Variants in FLNC observed in about 807,000 individuals in gnomAD.
FLNC encodes filamin C, also known as filamin-C.
Under a neutral mutation model 254.3 loss-of-function variants are expected in FLNC, and 91 were observed. The ratio of observed to expected loss-of-function variants is 0.36; its 90% CI spans 0.30 to 0.43. The LOEUF is 0.43. Among genes scored for constraint, FLNC ranks in the 20% least tolerant of loss-of-function variants. The probability of loss-of-function intolerance (pLI) is 1.00; values close to 1 mark genes in which losing one functional copy is unlikely to be tolerated. For missense variants in FLNC, 2,853 were observed against 3,802.6 expected, an observed-to-expected ratio of 0.75 and a Z score of 6.57; for synonymous variants, 1,430 against 1,577.2, an observed-to-expected ratio of 0.91 and a Z score of 2.21.
At position 128,838,794 on chromosome 7, in the gene FLNC, G is replaced by A. The variant is rs1808211990; in HGVS notation, c.1402G>A (p.Val468Met). 6.2e-7 allele frequency: 1 copy of A among 1,612,710 alleles called. No individual in the cohort carries two copies. The highest frequency in any genetic ancestry group is 8.5e-7 in the Non-Finnish European group (1 of 1,179,912). The change falls in exon 8 of 48, where the codon GTG becomes ATG. Residue 468 changes from valine (V) to methionine (M), a missense_variant. Coordinates refer to ENST00000325888, the MANE Select transcript of FLNC (RefSeq NM_001458.5). ...PITRSPFPVH[V>M]SEACNPNACR... is the part of the protein sequence containing the mutation. Reference sequence around the variant, plus strand: ...CACCCGCAGTCCCTTCCCTGTCCATGTGTCGGAAGGTAAGGGCCCTTCACT... The same window carrying A: ...CACCCGCAGTCCCTTCCCTGTCCATATGTCGGAAGGTAAGGGCCCTTCACT...
chr7:128,851,717 C>T (rs1808824979), intron 35 of FLNC, 89 bp downstream of exon 35: 1 of 1,393,628 alleles, frequency 7.2e-7, no homozygotes, highest in South Asian at 1.2e-5. Context: ...GTTCAAGTCA[C>T]TCGTGACATT....
chr7:128,848,274 G>A (rs1189951550), intron 26 of FLNC, among the ~76,000 whole-genome samples: 2 of 152,096 alleles, frequency 1.3e-5, no homozygotes, highest in East Asian at 1.9e-4. Context: ...CAAACCTAGC[G>A]CCTTAGGAAG....
rs556913973 is a variant in FLNC at position 128,844,837 on chromosome 7, G to A, written c.3372G>A (p.Thr1124=). ...CATGTGCTGTCAGCTACCTGCCCAC[G>A]GAGCCTGGCGAGTACACCATCAACA... The part of the protein sequence containing the change: ...DGSCAVSYLP[T]EPGEYTINIL... Residue 1124 remains threonine (T), a synonymous_variant, in exon 21 of 48, where the codon ACG becomes ACA. Coordinates refer to ENST00000325888, the MANE Select transcript of FLNC (RefSeq NM_001458.5). 8.1e-6 allele frequency: 13 copies of A among 1,614,090 alleles called. No homozygotes were observed. The highest frequency in any genetic ancestry group is 6.6e-5 in the South Asian group (6 of 91,086).
intron 35 of FLNC, among the ~76,000 whole-genome samples, chr7:128,852,002 A>G: frequency 6.6e-6 from 1 of 151,902 alleles, no homozygotes; most frequent in East Asian, 1.9e-4. Context: ...AGTAGCTGGG[A>G]CTCCAGGCGC....
In FLNC at chr7:128,842,428, C is replaced by T. The variant is rs944446840; in HGVS notation, c.2265+54C>T. The T allele has an allele frequency of 8.1e-6, 13 of 1,610,402 alleles. No individual in the cohort carries two copies. The African/African-American group carries it at 1.1e-4, about 13-fold the overall frequency. ...ACCACCAGGGGTCCCTGAGGGAGGG[C>T]GGAACCCTCGCTGGAGTCCCTGTTG... On this transcript the variant is annotated intron_variant, in intron 14 of 47. Transcript: ENST00000325888. This position sits in a 1 kb window ranked among gnomAD's most constrained non-coding sequence, Gnocchi z 5.4.
At chr7:128,855,004 C>G (rs1808994017) in intron 42 of FLNC, 92 bp downstream of exon 42, 4 of 1,398,420 alleles carry the variant, frequency 2.9e-6, no homozygotes, top group Non-Finnish European at 4.0e-6. Context: ...CTTGGGGCCA[C>G]AGAACTCCCC....
intron 32 of FLNC, 49 bp downstream of exon 32, chr7:128,850,532 T>C: frequency 6.9e-7 from 1 of 1,440,068 alleles, no homozygotes; most frequent in Non-Finnish European, 9.8e-7. Context: ...AGAAACCCTC[T>C]TCCAGGCCCA....
chr7:128,840,653 G>A lies in FLNC; in HGVS notation c.1655G>A (p.Gly552Asp). 6.2e-7 allele frequency: 1 copy of A among 1,614,216 alleles called. No homozygotes were observed. Among genetic ancestry groups the A allele is most frequent in the South Asian group, 1.1e-5 (1 of 91,084 alleles). The change falls in exon 10 of 48, where the codon GGC becomes GAC. Residue 552 changes from glycine to aspartate, a missense_variant. Around this residue, in one of 10 missense-constraint regions of FLNC, gnomAD observed 1,573 missense variants for 1,883.5 expected, o/e 0.84. Transcript: ENST00000325888. The stretch of plus-strand genomic sequence containing the variant: ...AAGTATGTGGTGACCATCACGTGGG[G>A]CGGCTACGCCATCCCTCGCAGGTGA... ...PGKYVVTITW[G>D]GYAIPRSPFE...
chr7:128,853,833 C>T lies in FLNC; in HGVS notation c.6480C>T (p.Ile2160=). Residue 2160 remains isoleucine, a synonymous_variant, in exon 39 of 48, where the codon ATC becomes ATT. Transcript: ENST00000325888. The stretch of plus-strand genomic sequence containing the variant: ...GCACCTGTGACCTCAACCTCAAGAT[C>T]CCAGGTAGAAGCCTGGAGGACCCTG... ...IGSTCDLNLK[I]PGNWFQMVSA... is the part of the protein sequence containing the mutation. The T allele has an allele frequency of 1.2e-6, 2 of 1,613,466 alleles. No homozygotes were observed. The highest frequency in any genetic ancestry group is 1.7e-6 in the Non-Finnish European group (2 of 1,180,012).
chr7:128,832,881 A>G (rs914432955), intron 1 of FLNC, among the ~76,000 whole-genome samples: 3 of 152,198 alleles, frequency 2.0e-5, no homozygotes, highest in African/African-American at 7.2e-5. Flanking sequence ...CCCACGAGGC[A>G]GGGGCATCCT....
At chr7:128,850,749 G>C in intron 32 of FLNC, 54 bp from the exon 33 acceptor site, 1 of 1,612,186 alleles carries the variant, frequency 6.2e-7, no homozygotes, top group Non-Finnish European at 8.5e-7. Context: ...GGGACAGCAG[G>C]GAGGTTGCAG....
In FLNC at chr7:128,841,398, G is replaced by A. The variant is rs770553180; in HGVS notation, c.2007+35G>A. The A allele has an allele frequency of 1.2e-6, 2 of 1,613,044 alleles. No individual in the cohort carries two copies. The highest frequency in any genetic ancestry group is 1.1e-5 in the South Asian group (1 of 91,072). ...CAGCTCACACACACCTGCCCCGGGG[G>A]TGGGGCAAGCTGGTTCTCCTCCCCT... On this transcript the variant is annotated intron_variant, in intron 12 of 47. Transcript: ENST00000325888. This position sits in a 1 kb window ranked among gnomAD's most constrained non-coding sequence, Gnocchi z 4.3.
In FLNC at chr7:128,856,384, G is replaced by T; in HGVS notation, c.7252-134G>T. 1.7e-6 allele frequency: 2 copies of T among 1,168,544 alleles called. No homozygotes were observed. The highest frequency in any genetic ancestry group is 2.5e-6 in the Non-Finnish European group (2 of 801,490). 72.4% of individuals were successfully genotyped at this position (1,168,544 alleles called of 1,614,324 possible). A position where few individuals can be genotyped will look rare whatever the true frequency, so the allele number is the denominator to read the frequency against. On this transcript the variant is annotated intron_variant, in intron 43 of 47. Coordinates refer to ENST00000325888, the MANE Select transcript of FLNC (RefSeq NM_001458.5). This position sits in a 1 kb window ranked among gnomAD's most constrained non-coding sequence, Gnocchi z 5.9. ...TCCTGCTCCCAGGCTGGGCTGGCAGGCAGGGGCCAGGCTGGGCATGGGGTG... is the reference window on the plus strand; with the variant it reads ...TCCTGCTCCCAGGCTGGGCTGGCAGTCAGGGGCCAGGCTGGGCATGGGGTG...
In FLNC at chr7:128,858,368, C is replaced by T. The variant is rs1563006093; in HGVS notation, c.8023C>T (p.Pro2675Ser). The change falls in exon 48 of 48, where the codon CCC (proline) becomes TCC (serine). Residue 2675 changes from proline to serine, a missense_variant. Transcript: ENST00000325888. The surrounding 1 kb of genome is among the most constrained non-coding windows in gnomAD (Gnocchi z 6.7). ...CATGATGATGGTGGGCGTGCACGGC[C>T]CCAAGACCCCCTGTGAGGAGGTGTA... Reference protein sequence around the residue: ...TNMMMVGVHGPKTPCEEVYVK... With the variant: ...TNMMMVGVHGSKTPCEEVYVK... 2.5e-6 allele frequency: 4 copies of T among 1,581,570 alleles called. No homozygotes were observed. Among genetic ancestry groups the T allele is most frequent in the Middle Eastern group, 1.8e-4 (1 of 5,430 alleles).
rs764308904 is a variant in FLNC, at chr7:128,842,839, C to G, written c.2435C>G (p.Pro812Arg). Residue 812 changes from proline to arginine, a missense_variant, in exon 16 of 48, where the codon CCT (proline) becomes CGT (arginine). Physicochemically the swap from Pro to Arg is moderately radical, Grantham distance 103. Transcript: ENST00000325888. The surrounding 1 kb of genome is among the most constrained non-coding windows in gnomAD (Gnocchi z 5.4). Reference sequence around the variant, plus strand: ...AAGTGCGCCCCAGGCGTGGTGGGCCCTGCAGAGGCTGACATTGACTTCGAC... The same window carrying G: ...AAGTGCGCCCCAGGCGTGGTGGGCCGTGCAGAGGCTGACATTGACTTCGAC... ...GIKCAPGVVG[P>R]AEADIDFDII... is the part of the protein sequence containing the mutation. The G allele has an allele frequency of 1.2e-6, 2 of 1,613,962 alleles. No homozygotes were observed. Among genetic ancestry groups the G allele is most frequent in the South Asian group, 1.1e-5 (1 of 91,086 alleles).
chr7:128,831,438 G>A (rs996172240), intron 1 of FLNC, among the ~76,000 whole-genome samples: 2 of 152,230 alleles, frequency 1.3e-5, no homozygotes, highest in Non-Finnish European at 1.5e-5. Flanking sequence ...CTGGGAGAGG[G>A]CTGAAGACAG....
At position 128,842,332 on chromosome 7, in the gene FLNC, C is replaced by T. The variant is rs1454514630; in HGVS notation, c.2223C>T (p.Ile741=). The T allele has an allele frequency of 1.2e-6, 2 of 1,613,714 alleles. No individual in the cohort carries two copies. Among genetic ancestry groups the T allele is most frequent in the Non-Finnish European group, 1.7e-6 (2 of 1,180,034 alleles). ...VPTKPIKHTI[I]ISWGGVNVPK... ...CCAAGCCCATTAAGCACACCATCAT[C>T]ATCTCCTGGGGAGGCGTAAACGTGC... The change falls in exon 14 of 48, where the codon ATC becomes ATT. Residue 741 remains isoleucine, a synonymous_variant. Transcript: ENST00000325888. This position sits in a 1 kb window ranked among gnomAD's most constrained non-coding sequence, Gnocchi z 5.4.
In FLNC at chr7:128,841,092, G is replaced by T; in HGVS notation, c.1814-78G>T. 1 of 1,582,180 alleles carries T rather than the reference G, an allele frequency of 6.3e-7. No individual in the cohort carries two copies. The highest frequency in any genetic ancestry group is 2.2e-5 in the East Asian group (1 of 44,632). ...GGGTGAGCAGGGAGATAGGACATGA[G>T]GGCAGCTAGAGGGGAGCTGGGGGAC... On this transcript the variant is annotated intron_variant, in intron 11 of 47. Transcript: ENST00000325888. This position sits in a 1 kb window ranked among gnomAD's most constrained non-coding sequence, Gnocchi z 4.3.
rs554089936 is a variant in FLNC, at chr7:128,856,201, C to T, written c.7252-317C>T. Among the ~76,000 whole-genome samples the T allele has an allele frequency of 4.6e-5, 7 of 152,350 alleles. No individual in the cohort carries two copies. In the East Asian group the frequency reaches 1.4e-3, roughly 29 times the overall value. On this transcript the variant is annotated intron_variant, in intron 43 of 47. Coordinates refer to ENST00000325888, the MANE Select transcript of FLNC (RefSeq NM_001458.5). The surrounding 1 kb of genome is among the most constrained non-coding windows in gnomAD (Gnocchi z 5.9). The stretch of plus-strand genomic sequence containing the variant: ...CTCTGGCACCCCCAGCCCACACAGC[C>T]CATCAGGCACTTGCCCTCCGCCCTC...
Sources: gnomAD v4.1 joint callset for allele counts (sites outside exome capture counted in the v4.1 genomes callset) on GRCh38, gnomAD v4.1.1 for gene constraint, gnomAD v4.1.1 regional missense constraint, Gnocchi (gnomAD v3.1) non-coding constraint, MANE v1.5 for transcripts, NCBI Gene and HGNC (gene_info 2026-07-23, HGNC 2026-07-21) for gene names.